ITGB4: variants seen among roughly 807,000 people sequenced by gnomAD.
The protein encoded by ITGB4 is integrin beta-4.
Under a neutral mutation model 207.6 loss-of-function variants are expected in ITGB4, and 159 were observed. The observed-to-expected ratio is 0.77, with a 90% CI of 0.67 to 0.87. ITGB4 has a LOEUF of 0.87. ITGB4 is among the 40% of genes least tolerant of loss of function. ITGB4 has a pLI of 0.00. For missense variants in ITGB4, 2,278 were observed against 2,546.8 expected, an observed-to-expected ratio of 0.89 and a Z score of 2.27; for synonymous variants, 1,020 against 1,062.7, an observed-to-expected ratio of 0.96 and a Z score of 0.78.
chr17:75,730,848 C>T, intron 8 of ITGB4, 27 bp from the exon 9 acceptor site: 1 of 1,565,910 alleles, frequency 6.4e-7, no homozygotes, highest in Non-Finnish European at 8.8e-7. Context: ...AGATGCTTAG[C>T]CTGAGACCTG....
intron 30 of ITGB4, chr17:75,751,904 G>A: frequency 3.7e-6 from 2 of 536,686 alleles, no homozygotes; most frequent in Admixed American, 2.9e-5. Flanking sequence ...GGATATATGG[G>A]TAGAGGTGAC....
At chr17:75,748,701 A>T (rs1282162633) in intron 26 of ITGB4, 140 bp from the exon 27 acceptor site, 9 of 648,708 alleles carry the variant, frequency 1.4e-5, no homozygotes, top group Admixed American at 2.9e-5. Context: ...AAACACAAAA[A>T]CCTGAACCTC....
At chr17:75,752,802 C>T (rs781350118) in intron 32 of ITGB4, among the ~76,000 whole-genome samples, 5 of 152,182 alleles carry the variant, frequency 3.3e-5, no homozygotes, top group Non-Finnish European at 4.4e-5. Flanking sequence ...TTCATGCCCA[C>T]GGGACCACGA....
chr17:75,745,566 T>C (rs531453220), intron 26 of ITGB4, among the ~76,000 whole-genome samples: 3 of 151,996 alleles, frequency 2.0e-5, no homozygotes, highest in African/African-American at 7.2e-5. Context: ...AGACCCTGTC[T>C]CTATTTTAAA....
At chr17:75,741,314 C>T (rs545431338) in intron 23 of ITGB4, among the ~76,000 whole-genome samples, 23 of 152,138 alleles carry the variant, frequency 1.5e-4, no homozygotes, top group Non-Finnish European at 2.5e-4. Context: ...CATCTCCATC[C>T]GCTCCAGTGT....
rs1568346297 is a variant in ITGB4 at position 75,729,356 on chromosome 17, C to G, written c.658C>G (p.Leu220Val). 6.2e-7 allele frequency: 1 copy of G among 1,613,982 alleles called. No individual in the cohort carries two copies. The highest frequency in any genetic ancestry group is 1.1e-5 in the South Asian group (1 of 91,088). Residue 220 changes from leucine to valine, a missense_variant, in exon 7 of 40, where the codon CTG becomes GTG. Leu to Val is a conservative substitution (Grantham distance 32). Transcript: ENST00000200181. This position sits in a 1 kb window ranked among gnomAD's most constrained non-coding sequence, Gnocchi z 4.4. ...AGATGTGGATGAGTTCCGGAATAAA[C>G]TGCAGGGAGAGCGGATCTCAGGCAA... ...TEDVDEFRNK[L>V]QGERISGNLD...
At chr17:75,724,890 T>A in intron 2 of ITGB4, 108 bp downstream of exon 2, 1 of 915,916 alleles carries the variant, frequency 1.1e-6, no homozygotes, top group African/African-American at 1.6e-5. Flanking sequence ...GCTTGGCCAT[T>A]CAGCAACTGA....
At chr17:75,730,159 G>A (rs975745275) in intron 7 of ITGB4, 82 bp from the exon 8 acceptor site, 44 of 1,584,672 alleles carry the variant, frequency 2.8e-5, no homozygotes, top group Non-Finnish European at 3.3e-5. Flanking sequence ...GTTGGGACCC[G>A]CGTTCCCCGT....
At chr17:75,735,512 A>G (rs2060957083) in intron 13 of ITGB4, among the ~76,000 whole-genome samples, 1 of 145,494 alleles carries the variant, frequency 6.9e-6, no homozygotes, top group Non-Finnish European at 1.5e-5. Context: ...TCCCGGGTTC[A>G]AGTGATTCTC....
At position 75,750,345 on chromosome 17, in the gene ITGB4, C is replaced by A; in HGVS notation, c.3474+77C>A. ...GCACTCACAGAAGAGGTGGGCCGTC[C>A]AAGGCCAGGGCCCCCTGAGAGAGAG... On this transcript the variant is annotated intron_variant, in intron 28 of 39. Coordinates refer to ENST00000200181, the MANE Select transcript of ITGB4 (RefSeq NM_000213.5). The surrounding 1 kb of genome is among the most constrained non-coding windows in gnomAD (Gnocchi z 5.5). The A allele has an allele frequency of 2.1e-6, 3 of 1,452,820 alleles. No individual in the cohort carries two copies. The highest frequency in any genetic ancestry group is 2.3e-5 in the East Asian group (1 of 42,750). 90.0% of individuals were successfully genotyped at this position (1,452,820 alleles called of 1,614,324 possible). A position where few individuals can be genotyped will look rare whatever the true frequency, so the allele number is the denominator to read the frequency against.
chr17:75,755,796 C>T lies in ITGB4; in HGVS notation c.4654C>T (p.Arg1552Trp), dbSNP rs141346422. The T allele has an allele frequency of 2.5e-5, 40 of 1,610,882 alleles. No individual in the cohort carries two copies. The highest frequency in any genetic ancestry group is 3.1e-5 in the Non-Finnish European group (36 of 1,179,884). ...TCTCAGAGTGAGCTGGCAGGAGCCG[C>T]GGTGCGAGCGGCCGCTGCAGGGCTA... ...TSLRVSWQEP[R>W]CERPLQGYSV... Residue 1552 changes from arginine (R) to tryptophan (W), a missense_variant, in exon 35 of 40, where the codon CGG becomes TGG. Transcript: ENST00000200181.
Position 75,755,683 on chromosome 17 carries a change from G to T in ITGB4, c.4559-18G>T, listed in dbSNP as rs1362755741. 3 of 1,612,406 alleles carry T rather than the reference G, an allele frequency of 1.9e-6. No homozygotes were observed. The highest frequency in any genetic ancestry group is 1.7e-6 in the Non-Finnish European group (2 of 1,179,912). On this transcript the variant is annotated intron_variant, in intron 34 of 39. Transcript: ENST00000200181. ...CTAGCCCCTGCATCTCTGGCTGACT[G>T]CGGCCTCCTGTCCCCAGACTCTCGC...
rs1416557631 is a variant in ITGB4, at chr17:75,727,765, G to A, written c.379G>A (p.Glu127Lys). 1 of 1,614,000 alleles carries A rather than the reference G, an allele frequency of 6.2e-7. No individual in the cohort carries two copies. The highest frequency in any genetic ancestry group is 2.2e-5 in the East Asian group (1 of 44,888). ...HFELEVFEPL[E>K]SPVDLYILMD... ...TGAGCTGGAGGTGTTTGAGCCACTGGAGAGCCCCGTGGACCTGTACATCCT... is the reference window on the plus strand; with the variant it reads ...TGAGCTGGAGGTGTTTGAGCCACTGAAGAGCCCCGTGGACCTGTACATCCT... The change falls in exon 5 of 40, where the codon GAG becomes AAG. Residue 127 changes from glutamate (E) to lysine (K), a missense_variant. By Grantham distance (56) the Glu-to-Lys change is moderately conservative. Coordinates refer to ENST00000200181, the MANE Select transcript of ITGB4 (RefSeq NM_000213.5). This position sits in a 1 kb window ranked among gnomAD's most constrained non-coding sequence, Gnocchi z 6.0.
Position 75,727,054 on chromosome 17 carries a change from C to G in ITGB4, c.80-141C>G, listed in dbSNP as rs2060733117. 1 of 732,348 alleles carries G rather than the reference C, an allele frequency of 1.4e-6. No homozygotes were observed. The highest frequency in any genetic ancestry group is 1.7e-5 in the African/African-American group (1 of 57,520). The allele number at this position is 732,348 out of a possible 1,614,324, so 45.4% of individuals were successfully genotyped here. The stretch of plus-strand genomic sequence containing the variant: ...CGCCACTGCACTCCAGCCTGGGCAA[C>G]AGAGCGAGACTCTGTCTCAAAATAA... On this transcript the variant is annotated intron_variant, in intron 2 of 39. Transcript: ENST00000200181. This position sits in a 1 kb window ranked among gnomAD's most constrained non-coding sequence, Gnocchi z 6.0.
At chr17:75,741,417 C>T (rs568248046) in intron 23 of ITGB4, among the ~76,000 whole-genome samples, 1 of 152,226 alleles carries the variant, frequency 6.6e-6, no homozygotes, top group African/African-American at 2.4e-5. Context: ...CCAGGTCCTA[C>T]ATCGAGTCCT....
chr17:75,752,516 C>T lies in ITGB4; in HGVS notation c.4047C>T (p.Tyr1349=). Residue 1349 remains tyrosine (Y), a synonymous_variant, in exon 32 of 40, where the codon TAC becomes TAT. Transcript: ENST00000200181. ...SGEDYDSFLM[Y]SDDVLRSPSG... is the part of the protein sequence containing the mutation. Reference sequence around the variant, plus strand: ...AGGACTACGACAGCTTCCTTATGTACAGCGATGACGTTCTACGCTCTCCAT... The same window carrying T: ...AGGACTACGACAGCTTCCTTATGTATAGCGATGACGTTCTACGCTCTCCAT... 6.2e-7 allele frequency: 1 copy of T among 1,613,732 alleles called. No homozygotes were observed. The highest frequency in any genetic ancestry group is 8.5e-7 in the Non-Finnish European group (1 of 1,180,028).
chr17:75,733,443 A>G, intron 12 of ITGB4, 47 bp from the exon 13 acceptor site: 6 of 1,518,522 alleles, frequency 4.0e-6, no homozygotes, highest in Non-Finnish European at 5.5e-6. Flanking sequence ...CAAAAGCCCC[A>G]GCTTTCCTCC....
intron 26 of ITGB4, among the ~76,000 whole-genome samples, chr17:75,746,861 G>A (rs2061243701): frequency 6.6e-6 from 1 of 150,440 alleles, no homozygotes; most frequent in African/African-American, 2.4e-5. Context: ...CCCAGTAGGT[G>A]GAGGTTGCAG....
rs2060887059 is a variant in ITGB4, at chr17:75,732,650, A to G, written c.1454+411A>G. Among the ~76,000 whole-genome samples the G allele has an allele frequency of 6.6e-6, 1 of 152,156 alleles. No individual in the cohort carries two copies. The highest frequency in any genetic ancestry group is 1.5e-5 in the Non-Finnish European group (1 of 68,028). Reference sequence around the variant, plus strand: ...CAGGACACTGGGCGAGCTTGCCACAACTTGAGGCAGAGCAGTGGGGAAAGG... The same window carrying G: ...CAGGACACTGGGCGAGCTTGCCACAGCTTGAGGCAGAGCAGTGGGGAAAGG... On this transcript the variant is annotated intron_variant, in intron 12 of 39. Coordinates refer to ENST00000200181, the MANE Select transcript of ITGB4 (RefSeq NM_000213.5). This position sits in a 1 kb window ranked among gnomAD's most constrained non-coding sequence, Gnocchi z 5.3.
Sources: gnomAD v4.1 joint callset for allele counts (sites outside exome capture counted in the v4.1 genomes callset) on GRCh38, gnomAD v4.1.1 for gene constraint, Gnocchi (gnomAD v3.1) non-coding constraint, MANE v1.5 for transcripts, NCBI Gene and HGNC (gene_info 2026-07-23, HGNC 2026-07-21) for gene names.